Variants in RRM1 observed in about 807,000 individuals in gnomAD.
RRM1 encodes ribonucleotide reductase catalytic subunit M1, also known as ribonucleoside-diphosphate reductase large subunit.
RRM1 carries 19 observed loss-of-function variants against 101.5 expected under a neutral mutation model. The observed-to-expected ratio is 0.19, with a 90% CI of 0.13 to 0.27. The LOEUF is 0.27. Among genes scored for constraint, RRM1 ranks in the 10% least tolerant of loss-of-function variants. RRM1 has a pLI of 1.00. For synonymous variants in RRM1, 298 were observed against 323.4 expected (o/e 0.92, Z 0.84); for missense variants, 500 against 962.9 (o/e 0.52, Z 6.36).
At chr11:4,110,662 G>C (rs1268812630) in intron 5 of RRM1, among the ~76,000 whole-genome samples, 3 of 151,496 alleles carry the variant, frequency 2.0e-5, no homozygotes, top group Non-Finnish European at 2.9e-5. Flanking sequence ...CCAGCTACTT[G>C]GGGGGCTGAG....
chr11:4,115,499 G>C (rs2094571607), intron 7 of RRM1, among the ~76,000 whole-genome samples: 1 of 147,096 alleles, frequency 6.8e-6, no homozygotes, highest in African/African-American at 2.5e-5. Flanking sequence ...CCTCTGGAGG[G>C]AGCACTCCAA....
At chr11:4,111,669 AT>A in intron 6 of RRM1, 29 bp downstream of exon 6, 2 of 1,556,776 alleles carry the variant, frequency 1.3e-6, no homozygotes, top group Non-Finnish European at 1.8e-6. Flanking sequence ...TGTCTGTTAC[AT>A]TTTCTACTCA....
chr11:4,130,336 A>G (rs1204950426), intron 15 of RRM1, among the ~76,000 whole-genome samples: 1 of 151,806 alleles, frequency 6.6e-6, no homozygotes, highest in Non-Finnish European at 1.5e-5. Flanking sequence ...ATTTTTCTAG[A>G]TCTTTTTCAG....
chr11:4,104,105 T>C (rs901042929), intron 2 of RRM1, among the ~76,000 whole-genome samples: 6 of 151,936 alleles, frequency 3.9e-5, no homozygotes, highest in African/African-American at 1.4e-4. Context: ...AATGAGACCC[T>C]GTCTCAAAAA....
At chr11:4,111,843 A>G in intron 6 of RRM1, 57 bp from the exon 7 acceptor site, 1 of 1,523,106 alleles carries the variant, frequency 6.6e-7, no homozygotes, top group South Asian at 1.2e-5. Context: ...TCAAATACGT[A>G]TCTCAACCTA....
At chr11:4,103,064 T>A (rs763382524) in intron 2 of RRM1, among the ~76,000 whole-genome samples, 3 of 152,232 alleles carry the variant, frequency 2.0e-5, no homozygotes, top group Non-Finnish European at 4.4e-5. Context: ...TCCGCACTGC[T>A]AAGGTATCTT....
At position 4,106,103 on chromosome 11, in the gene RRM1, C is replaced by T. The variant is rs747996948; in HGVS notation, c.166C>T (p.Leu56=). ...GTACAGTGGGGTCACCACAGTGGAA[C>T]TAGATACTTTGGCTGCTGAAACAGC... is the stretch of plus-strand genomic sequence containing the variant. ...GLYSGVTTVE[L]DTLAAETAAT... The change falls in exon 3 of 19, where the codon CTA becomes TTA. Residue 56 remains leucine, a synonymous_variant. Coordinates refer to ENST00000300738, the MANE Select transcript of RRM1 (RefSeq NM_001033.5). 3 of 1,613,856 alleles carry T rather than the reference C, an allele frequency of 1.9e-6. No homozygotes were observed. Among genetic ancestry groups the T allele is most frequent in the Middle Eastern group, 1.6e-4 (1 of 6,084 alleles).
chr11:4,121,758 C>G lies in RRM1; in HGVS notation c.1031C>G (p.Thr344Ser), dbSNP rs753657890. 1 of 1,607,432 alleles carries G rather than the reference C, an allele frequency of 6.2e-7. No homozygotes were observed. The highest frequency in any genetic ancestry group is 1.1e-5 in the South Asian group (1 of 89,580). The change falls in exon 10 of 19, where the codon ACT (threonine) becomes AGT (serine). Residue 344 changes from threonine to serine, a missense_variant. Thr to Ser is a moderately conservative substitution (Grantham distance 58). Transcript: ENST00000300738. ...GATCTCTTCATGAAACGAGTGGAGA[C>G]TAATCAGGTGAGAGATAGGTACTTG... is the stretch of plus-strand genomic sequence containing the variant. Reference protein sequence around the residue: ...IPDLFMKRVETNQDWSLMCPN... With the variant: ...IPDLFMKRVESNQDWSLMCPN...
chr11:4,134,727 A>G (rs1375308423), intron 17 of RRM1, among the ~76,000 whole-genome samples: 1 of 152,198 alleles, frequency 6.6e-6, no homozygotes, highest in African/African-American at 2.4e-5. Flanking sequence ...TGCAAAACTC[A>G]AGGGTCATTT....
intron 9 of RRM1, among the ~76,000 whole-genome samples, chr11:4,120,751 A>G (rs1293800123): frequency 6.6e-6 from 1 of 152,234 alleles, no homozygotes; most frequent in African/African-American, 2.4e-5. Context: ...CCTGCCAGTA[A>G]TCCCAGCACT....
chr11:4,117,550 C>T (rs556049823), intron 7 of RRM1, among the ~76,000 whole-genome samples: 1 of 152,148 alleles, frequency 6.6e-6, no homozygotes, highest in Non-Finnish European at 1.5e-5. Context: ...AACAGATATG[C>T]AACCAGAAAA....
chr11:4,119,114 G>A (rs1303829080), intron 8 of RRM1: 2 of 152,262 alleles, frequency 1.3e-5, no homozygotes, highest in Non-Finnish European at 2.9e-5. Context: ...TAGTTATTTT[G>A]TGTCTGAGTT....
At chr11:4,102,421 GCTGAGGTGGGCAGATCAC>G (rs1270823591) in intron 2 of RRM1, among the ~76,000 whole-genome samples, 1 of 152,186 alleles carries the variant, frequency 6.6e-6, no homozygotes, top group Non-Finnish European at 1.5e-5. Context: ...ACTTTGGGAG[GCTGAGGTGGGCAGATCAC>G]CTGAGGTCAG....
chr11:4,129,385 T>C (rs950641295), intron 15 of RRM1, among the ~76,000 whole-genome samples: 13 of 152,190 alleles, frequency 8.5e-5, no homozygotes, highest in Admixed American at 2.6e-4. Context: ...GGAATTACTA[T>C]TATTAGTTGA....
Position 4,118,218 on chromosome 11 carries a change from CTCTTTT to C in RRM1, c.651-100_651-95del. ...CATTTAGGAACTTTCTAAACTTCAA[CTCTTTT>C]TTTTTTTTTTGCCTTAGTGTCTTTG... On this transcript the variant is annotated intron_variant, in intron 7 of 18. Coordinates refer to ENST00000300738, the MANE Select transcript of RRM1 (RefSeq NM_001033.5). 4 of 1,098,376 alleles carry C rather than the reference CTCTTTT, an allele frequency of 3.6e-6. No individual in the cohort carries two copies. In the Admixed American group the frequency reaches 1.0e-4, roughly 28 times the overall value. 68.0% of individuals were successfully genotyped at this position (1,098,376 alleles called of 1,614,324 possible). A position where few individuals can be genotyped will look rare whatever the true frequency, so the allele number is the denominator to read the frequency against.
In RRM1 at chr11:4,111,916, A is replaced by G. The variant is rs988661143; in HGVS notation, c.504A>G (p.Gln168=). The G allele has an allele frequency of 4.3e-6, 7 of 1,613,976 alleles. No individual in the cohort carries two copies. In the Admixed American group the frequency reaches 6.7e-5, roughly 15 times the overall value. The change falls in exon 7 of 19, where the codon CAA becomes CAG. Residue 168 remains glutamine, a synonymous_variant. Transcript: ENST00000300738. ...TGTCTATAGTGGCTGAAAGACCACAACATATGTTGATGAGAGTATCTGTTG... is the reference window on the plus strand; with the variant it reads ...TGTCTATAGTGGCTGAAAGACCACAGCATATGTTGATGAGAGTATCTGTTG... The part of the protein sequence containing the change: ...KINGKVAERP[Q]HMLMRVSVGI...
chr11:4,114,240 A>C (rs1276336994), intron 7 of RRM1, among the ~76,000 whole-genome samples: 1 of 152,060 alleles, frequency 6.6e-6, no homozygotes, highest in Non-Finnish European at 1.5e-5. Context: ...TGGGTGAGTT[A>C]GTGAGTGAGT....
rs1286014173 is a variant in RRM1, at chr11:4,116,315, C to T, written c.651-2005C>T. ...TTCACCGGAGTCCAATCACTGTGAACCAAAAACGAAGTCAAATAACAAGTT... is the reference window on the plus strand; with the variant it reads ...TTCACCGGAGTCCAATCACTGTGAATCAAAAACGAAGTCAAATAACAAGTT... On this transcript the variant is annotated intron_variant, in intron 7 of 18. Transcript: ENST00000300738. 4 of 152,204 alleles carry T rather than the reference C, an allele frequency of 2.6e-5. No homozygotes were observed. The East Asian group carries it at 7.7e-4, about 29-fold the overall frequency. The allele number at this position is 152,204 out of a possible 1,614,324, so 9.4% of individuals were successfully genotyped here. A position where few individuals can be genotyped will look rare whatever the true frequency, so the allele number is the denominator to read the frequency against.
chr11:4,097,141 C>T (rs1316808320), intron 1 of RRM1, among the ~76,000 whole-genome samples: 3 of 151,474 alleles, frequency 2.0e-5, no homozygotes, highest in African/African-American at 7.3e-5. Flanking sequence ...AAAAGTTAGC[C>T]GGACGGTAGT....
Sources: gnomAD v4.1 joint callset for allele counts (sites outside exome capture counted in the v4.1 genomes callset) on GRCh38, gnomAD v4.1.1 for gene constraint, MANE v1.5 for transcripts, NCBI Gene and HGNC (gene_info 2026-07-23, HGNC 2026-07-21) for gene names.